Variants in RMC1 observed in about 807,000 individuals in gnomAD.
RMC1 encodes the protein regulator of MON1-CCZ1.
A neutral mutation model predicts 95.5 loss-of-function variants in RMC1; 44 were observed. The observed-to-expected ratio is 0.46, with a 90% CI of 0.36 to 0.59. The LOEUF (loss-of-function observed/expected upper bound fraction) is 0.59, where lower values mean the gene tolerates loss of function less well. Ranked by LOEUF, RMC1 falls within the 20% of genes least tolerant of loss-of-function variation. The pLI is 0.00. For missense variants in RMC1, 705 were observed against 819.6 expected (o/e 0.86, Z 1.71); for synonymous variants, 320 against 303.6 (o/e 1.05, Z -0.56).
At chr18:23,518,377 A>G (rs549334425) in intron 7 of RMC1, among the ~76,000 whole-genome samples, 10 of 152,220 alleles carry the variant, frequency 6.6e-5, no homozygotes, top group African/African-American at 1.9e-4. Context: ...ATGTAGTCCT[A>G]GCTACTGGGG....
At chr18:23,525,623 C>G (rs1401159494) in intron 12 of RMC1, among the ~76,000 whole-genome samples, 1 of 152,060 alleles carries the variant, frequency 6.6e-6, no homozygotes, top group Non-Finnish European at 1.5e-5. Context: ...CGGGGTTTCA[C>G]CATGTTGGCC....
At chr18:23,506,885 A>G in intron 2 of RMC1, 85 bp from the exon 3 acceptor site, 1 of 954,724 alleles carries the variant, frequency 1.0e-6, no homozygotes, top group Non-Finnish European at 1.6e-6. Context: ...CCTCCTGAAT[A>G]TAGATTGTGT....
chr18:23,513,015 G>A (rs989758608), intron 5 of RMC1, among the ~76,000 whole-genome samples: 3 of 151,802 alleles, frequency 2.0e-5, no homozygotes, highest in Admixed American at 1.3e-4. Context: ...GTGCAGTGGC[G>A]TGATCTCAGC....
At chr18:23,506,103 G>T (rs1431011401) in intron 2 of RMC1, 4 of 150,868 alleles carry the variant, frequency 2.7e-5, no homozygotes, top group African/African-American at 9.8e-5. Context: ...AGAGGCAGAG[G>T]TTGCAGTGAG....
At chr18:23,515,721 T>G (rs1308166021) in intron 5 of RMC1, 135 bp from the exon 6 acceptor site, 2 of 951,654 alleles carry the variant, frequency 2.1e-6, no homozygotes, top group Non-Finnish European at 3.1e-6. Flanking sequence ...TTAGTAGAGA[T>G]GGGGTTTTAC....
At chr18:23,503,488 G>C, upstream of RMC1, 1 of 455,594 alleles carries the variant, frequency 2.2e-6, no homozygotes, top group Non-Finnish European at 3.5e-6. Flanking sequence ...GTGGCACCAG[G>C]AAGCGGCGTC....
intron 9 of RMC1, 65 bp downstream of exon 9, chr18:23,519,239 T>C: frequency 5.7e-6 from 8 of 1,409,388 alleles, no homozygotes; most frequent in South Asian, 3.5e-5. Context: ...AATTGGTGGC[T>C]GGGCACGGTG....
intron 19 of RMC1, 89 bp from the exon 20 acceptor site, chr18:23,531,536 T>TA: frequency 6.5e-7 from 1 of 1,539,652 alleles, no homozygotes; most frequent in African/African-American, 1.4e-5. Flanking sequence ...AAAAATAAGT[T>TA]AAAACCCAGT....
chr18:23,524,498 C>T lies in RMC1; in HGVS notation c.1060+16C>T, dbSNP rs2058235833. ...GCAAGCCAAGGTAGGTCAGCGGGGA[C>T]AGTTGTCGTGTTACAACATGGTGCT... On this transcript the variant is annotated intron_variant, in intron 12 of 19. Transcript: ENST00000269221. 1.2e-6 allele frequency: 2 copies of T among 1,613,232 alleles called. No individual in the cohort carries two copies. The highest frequency in any genetic ancestry group is 1.7e-6 in the Non-Finnish European group (2 of 1,179,212).
upstream of RMC1, chr18:23,503,471 T>G (rs1476489743): frequency 2.6e-6 from 1 of 383,204 alleles, no homozygotes; most frequent in African/African-American, 2.2e-5. Context: ...GTGGGCGGGG[T>G]GGGGGCGTGG....
chr18:23,509,984 CTTT>C (rs71163612), intron 5 of RMC1, among the ~76,000 whole-genome samples: 3 of 122,090 alleles, frequency 2.5e-5, no homozygotes, highest in East Asian at 2.3e-4. Context: ...GGATTTTATT[CTTT>C]TTTTTTTTTT....
chr18:23,525,449 G>A (rs1173185503), intron 12 of RMC1, among the ~76,000 whole-genome samples: 2 of 151,666 alleles, frequency 1.3e-5, no homozygotes, highest in African/African-American at 4.9e-5. Context: ...ATTTTGAGAC[G>A]GAATCTCGCT....
At chr18:23,512,276 C>T (rs565780218) in intron 5 of RMC1, among the ~76,000 whole-genome samples, 16 of 152,106 alleles carry the variant, frequency 1.1e-4, no homozygotes, top group African/African-American at 1.9e-4. Flanking sequence ...CTATCTCGGC[C>T]CCCTAAAGTG....
At chr18:23,520,374 C>T in intron 10 of RMC1, 61 bp downstream of exon 10, 1 of 1,355,182 alleles carries the variant, frequency 7.4e-7, no homozygotes, top group South Asian at 1.2e-5. Flanking sequence ...GTGTTCTCAC[C>T]ATGATCTTTG....
chr18:23,505,938 G>A lies in RMC1; in HGVS notation c.180-1032G>A, dbSNP rs371903077. 3.1e-3 allele frequency among the ~76,000 whole-genome samples: 472 copies of A among 152,124 alleles called. 1 individual carries two copies. The highest frequency in any genetic ancestry group is 6.8e-3 in the Middle Eastern group (2 of 294). ...TCCCAGCACTTTGGGAGGCCGAGGC[G>A]GGTGGATCACTTGAGATCAGGAGTT... On this transcript the variant is annotated intron_variant, in intron 2 of 19. Transcript: ENST00000269221.
intron 15 of RMC1, 71 bp downstream of exon 15, chr18:23,529,369 A>C: frequency 6.5e-7 from 1 of 1,543,574 alleles, no homozygotes; most frequent in Non-Finnish European, 8.7e-7. Flanking sequence ...AAACGAGGAG[A>C]CTTCATGTGA....
At chr18:23,522,880 G>GT (rs35822060) in intron 10 of RMC1, 80,269 of 152,094 alleles carry the variant, frequency 0.53, 21,787 homozygotes, top group East Asian at 0.91. Context: ...CTGCCACTGG[G>GT]TGGGCGTGCT....
intron 5 of RMC1, among the ~76,000 whole-genome samples, chr18:23,512,583 A>T (rs1359980384): frequency 6.7e-6 from 1 of 149,012 alleles, no homozygotes; most frequent in East Asian, 2.0e-4. Flanking sequence ...AGCACGCCCA[A>T]CTTAATTTTT....
chr18:23,510,860 C>G (rs562763681), intron 5 of RMC1, among the ~76,000 whole-genome samples: 74 of 152,212 alleles, frequency 4.9e-4, no homozygotes, highest in Non-Finnish European at 9.8e-4. Flanking sequence ...AAAGGGAACC[C>G]TTATGCACTA....
Sources: gnomAD v4.1 joint callset for allele counts (sites outside exome capture counted in the v4.1 genomes callset) on GRCh38, gnomAD v4.1.1 for gene constraint, MANE v1.5 for transcripts, NCBI Gene and HGNC (gene_info 2026-07-23, HGNC 2026-07-21) for gene names.